Variants in ARID1B observed in about 807,000 individuals in gnomAD.
The protein encoded by ARID1B is AT-rich interaction domain 1B, also known as AT-rich interactive domain-containing protein 1B.
A neutral mutation model predicts 212.3 loss-of-function variants in ARID1B; 30 were observed. The observed-to-expected ratio is 0.14, with a 90% CI of 0.11 to 0.19. The LOEUF (loss-of-function observed/expected upper bound fraction) is 0.19. ARID1B is among the 10% of genes least tolerant of loss of function. The pLI is 1.00. For synonymous variants in ARID1B, 1,402 were observed against 1,301.7 expected (o/e 1.08, Z -1.66); for missense variants, 2,891 against 3,204.0 (o/e 0.90, Z 2.36).
rs114422347 is a variant in ARID1B, at chr6:157,078,231, C to T, written c.2248-6431C>T. On this transcript the variant is annotated intron_variant, in intron 4 of 19. Coordinates refer to ENST00000636930, the MANE Select transcript of ARID1B (RefSeq NM_001374828.1). ...ATAGTATCTGGAGCACTTAGACGGC[C>T]CTTGATCAGTGGTGGTATCAGTTGT... Among the ~76,000 whole-genome samples the T allele has an allele frequency of 7.1e-3, 1,074 of 152,088 alleles. 15 individuals are homozygous for T. Among genetic ancestry groups the T allele is most frequent in the African/African-American group, 0.024 (1,000 of 41,456 alleles).
chr6:157,153,161 A>G (rs924730266), intron 8 of ARID1B, among the ~76,000 whole-genome samples: 4 of 152,260 alleles, frequency 2.6e-5, no homozygotes, highest in Admixed American at 6.5e-5. Flanking sequence ...ATATGAAGGT[A>G]AAATCGACCT....
intron 4 of ARID1B, among the ~76,000 whole-genome samples, chr6:156,958,432 G>A (rs899304241): frequency 4.6e-5 from 7 of 152,150 alleles, no homozygotes; most frequent in Non-Finnish European, 1.0e-4. Flanking sequence ...AACCTAATTC[G>A]TTTTATTTAT....
intron 4 of ARID1B, among the ~76,000 whole-genome samples, chr6:157,039,216 T>G (rs1414892151): frequency 6.6e-6 from 1 of 152,072 alleles, no homozygotes; most frequent in Non-Finnish European, 1.5e-5. Flanking sequence ...CAGTGAAAAT[T>G]TTTTTCAACA....
chr6:157,175,019 GT>G lies in ARID1B; in HGVS notation c.3504+23del, dbSNP rs750806092. The G allele has an allele frequency of 2.8e-5, 38 of 1,343,420 alleles. No homozygotes were observed. Among genetic ancestry groups the G allele is most frequent in the South Asian group, 2.2e-4 (10 of 45,306 alleles). 83.2% of individuals were successfully genotyped at this position (1,343,420 alleles called of 1,614,324 possible). On this transcript the variant is annotated intron_variant, in intron 11 of 19. Coordinates refer to ENST00000636930, the MANE Select transcript of ARID1B (RefSeq NM_001374828.1). The stretch of plus-strand genomic sequence containing the variant: ...CCATCAAGCCCTGTAAGTGGCTCTG[GT>G]TTTTTTTTGTTTTTTTTGTTTTTTG...
At position 157,046,277 on chromosome 6, in the gene ARID1B, A is replaced by T. The variant is rs191961302; in HGVS notation, c.2248-38385A>T. Among the ~76,000 whole-genome samples the T allele has an allele frequency of 3.9e-3, 601 of 152,352 alleles. 3 individuals carry two copies. Among genetic ancestry groups the T allele is most frequent in the Non-Finnish European group, 5.5e-3 (371 of 68,024 alleles). On this transcript the variant is annotated intron_variant, in intron 4 of 19. Transcript: ENST00000636930. ...AAAGACAAGACTGTGAGGCCAAAAC[A>T]TATGCAGTGAAGAGGCAGGTTAGAG...
At chr6:157,196,137 T>C (rs756506935) in intron 15 of ARID1B, 28 bp from the exon 16 acceptor site, 26 of 1,610,032 alleles carry the variant, frequency 1.6e-5, no homozygotes, top group Non-Finnish European at 2.0e-5. Context: ...AATGCCTAAA[T>C]GTATGCATTT....
In ARID1B at chr6:157,206,564, G is replaced by A. The variant is rs376758952; in HGVS notation, c.5792G>A (p.Arg1931His). 3.7e-5 allele frequency: 60 copies of A among 1,614,030 alleles called. No homozygotes were observed. Among genetic ancestry groups the A allele is most frequent in the Middle Eastern group, 1.6e-4 (1 of 6,084 alleles). ...FVVDRSDKLG[R>H]VQEFNSGLLH... ...GTTGACCGATCTGACAAGTTGGGGC[G>A]TGTGCAGGAGTTCAATAGTGGCCTT... Residue 1931 changes from arginine to histidine, a missense_variant, in exon 20 of 20, where the codon CGT becomes CAT. Physicochemically the swap from Arg to His is conservative, Grantham distance 29. Transcript: ENST00000636930. The surrounding 1 kb of genome is among the most constrained non-coding windows in gnomAD (Gnocchi z 6.8).
chr6:156,965,701 C>T (rs960615788), intron 4 of ARID1B, among the ~76,000 whole-genome samples: 2 of 152,000 alleles, frequency 1.3e-5, no homozygotes, highest in Non-Finnish European at 2.9e-5. Context: ...ATTTTGGAAC[C>T]TAATGGAGAA....
At chr6:157,193,256 TA>T (rs1445626240) in intron 15 of ARID1B, among the ~76,000 whole-genome samples, 8 of 152,354 alleles carry the variant, frequency 5.3e-5, no homozygotes, top group South Asian at 4.1e-4. Context: ...TCTTTTCTAT[TA>T]TAAACAATGA....
chr6:156,882,444 T>C (rs149357397), intron 2 of ARID1B, among the ~76,000 whole-genome samples: 91 of 152,322 alleles, frequency 6.0e-4, no homozygotes, highest in African/African-American at 2.1e-3. Context: ...ACCTAATCAT[T>C]GCACAATAAA....
chr6:156,803,441 G>C (rs1267608322), intron 1 of ARID1B, among the ~76,000 whole-genome samples: 1 of 152,012 alleles, frequency 6.6e-6, no homozygotes, highest in Non-Finnish European at 1.5e-5. Context: ...TGTTCTCTAA[G>C]CTGTGTGTCT....
intron 1 of ARID1B, among the ~76,000 whole-genome samples, chr6:156,808,635 G>A (rs1323194454): frequency 2.0e-5 from 3 of 152,012 alleles, no homozygotes; most frequent in African/African-American, 7.2e-5. Context: ...ATATATATAA[G>A]TGTACTAACT....
At chr6:156,869,968 T>A (rs1301254028) in intron 2 of ARID1B, 1 of 137,092 alleles carries the variant, frequency 7.3e-6, no homozygotes, top group Non-Finnish European at 1.5e-5. Context: ...ATTACTGATC[T>A]CCCTGAGTGA....
intron 2 of ARID1B, among the ~76,000 whole-genome samples, chr6:156,879,797 C>A (rs758495621): frequency 6.6e-6 from 1 of 152,042 alleles, no homozygotes; most frequent in Non-Finnish European, 1.5e-5. Context: ...GTGCAGCGTG[C>A]GCATATGTGT....
chr6:157,122,853 G>T (rs1038653063), intron 6 of ARID1B, among the ~76,000 whole-genome samples: 6 of 151,772 alleles, frequency 4.0e-5, no homozygotes, highest in East Asian at 1.9e-4. Flanking sequence ...TAACTTTTTT[G>T]GTATTTTTAG....
chr6:156,907,961 G>T (rs916124707), intron 3 of ARID1B, among the ~76,000 whole-genome samples: 1 of 149,404 alleles, frequency 6.7e-6, no homozygotes, highest in African/African-American at 2.5e-5. Context: ...TTTACTGAAA[G>T]AATTTGTGTT....
intron 4 of ARID1B, among the ~76,000 whole-genome samples, chr6:156,992,572 A>G (rs774311031): frequency 6.6e-6 from 1 of 152,142 alleles, no homozygotes; most frequent in Non-Finnish European, 1.5e-5. Flanking sequence ...AATGGAGGGG[A>G]CAGACGGCTA....
intron 4 of ARID1B, among the ~76,000 whole-genome samples, chr6:156,944,377 G>A (rs9478741): frequency 0.073 from 11,068 of 152,200 alleles, 451 homozygotes; most frequent in Non-Finnish European, 0.075. Flanking sequence ...TTGGAGAGCC[G>A]CAGACCTTCC....
At chr6:157,121,815 A>G (rs909047912) in intron 6 of ARID1B, among the ~76,000 whole-genome samples, 1 of 152,066 alleles carries the variant, frequency 6.6e-6, no homozygotes, top group Non-Finnish European at 1.5e-5. Context: ...TATTTTTAGT[A>G]AAGACAGTGT....
Sources: allele counts gnomAD v4.1 joint callset (sites outside exome capture counted in the v4.1 genomes callset), GRCh38; gene constraint gnomAD v4.1.1; non-coding constraint Gnocchi (gnomAD v3.1); transcripts MANE v1.5; gene names NCBI Gene and HGNC (gene_info 2026-07-23, HGNC 2026-07-21).